Variants in VPS37D observed in about 807,000 individuals in gnomAD.
VPS37D encodes VPS37D subunit of ESCRT-I.
VPS37D carries 5 observed loss-of-function variants against 22.0 expected under a neutral mutation model. The ratio of observed to expected loss-of-function variants is 0.23; its 90% confidence interval spans 0.12 to 0.48. VPS37D has a LOEUF of 0.48. VPS37D is among the 20% of genes least tolerant of loss of function. The pLI, the probability that VPS37D is intolerant of heterozygous loss-of-function variation, is 0.99. For missense variants in VPS37D, 384 were observed against 345.8 expected, an observed-to-expected ratio of 1.11 and a Z score of -0.88; for synonymous variants, 174 against 159.3, an observed-to-expected ratio of 1.09 and a Z score of -0.69.
chr7:73,666,493 A>G (rs1797376321), upstream of VPS37D, among the ~76,000 whole-genome samples: 3 of 151,862 alleles, frequency 2.0e-5, no homozygotes, highest in Non-Finnish European at 2.9e-5. Context: ...GAGTGGTGCT[A>G]TCTCGGCTCA....
In VPS37D at chr7:73,670,582, C is replaced by A. The variant is rs565066985; in HGVS notation, c.394-432C>A. 4.6e-5 allele frequency among the ~76,000 whole-genome samples: 7 copies of A among 152,186 alleles called. No homozygotes were observed. In the South Asian group the frequency reaches 1.2e-3, roughly 27 times the overall value. On this transcript the variant is annotated intron_variant, in intron 3 of 3. Coordinates refer to ENST00000324941, the MANE Select transcript of VPS37D (RefSeq NM_001077621.2). ...CAGCACTTTGGGAGACCGAGGCGGGCGGATCGCCTGAGGTCAGGAGTTCGA... is the reference window on the plus strand; with the variant it reads ...CAGCACTTTGGGAGACCGAGGCGGGAGGATCGCCTGAGGTCAGGAGTTCGA...
Position 73,671,079 on chromosome 7 carries a change from T to A in VPS37D, c.459T>A (p.Arg153=). Residue 153 remains arginine (R), a synonymous_variant, in exon 4 of 4, where the codon CGT becomes CGA. Transcript: ENST00000324941. ...AGGCCTTCCTGCCTGCCTTCCAGCG[T>A]GGCCGCGCCCTGGCCCACCTGAGGC... The part of the protein sequence containing the change: ...SLEAFLPAFQ[R]GRALAHLRRT... 6.2e-7 allele frequency: 1 copy of A among 1,611,648 alleles called. No homozygotes were observed. The highest frequency in any genetic ancestry group is 8.5e-7 in the Non-Finnish European group (1 of 1,179,718).
intron 3 of VPS37D, among the ~76,000 whole-genome samples, chr7:73,670,308 G>C (rs1374270113): frequency 6.6e-6 from 1 of 152,134 alleles, no homozygotes; most frequent in Non-Finnish European, 1.5e-5. Flanking sequence ...ATTTTTTTCG[G>C]GCTCCCCTGT....
At chr7:73,667,129 C>T (rs1797391547), upstream of VPS37D, among the ~76,000 whole-genome samples, 1 of 151,978 alleles carries the variant, frequency 6.6e-6, no homozygotes, top group African/African-American at 2.4e-5. Context: ...CCCGCCACCA[C>T]GCCCGGCTAA....
chr7:73,669,276 G>T, intron 1 of VPS37D, 143 bp from the exon 2 acceptor site: 1 of 1,055,818 alleles, frequency 9.5e-7, no homozygotes, highest in Non-Finnish European at 1.3e-6. Flanking sequence ...CCCTTCACCT[G>T]TTGGGTTCAC....
chr7:73,667,769 GC>G (rs1267019943), upstream of VPS37D: 4 of 157,064 alleles, frequency 2.5e-5, no homozygotes, highest in Non-Finnish European at 5.5e-5. Context: ...CCTCCTCCCT[GC>G]CCCACCCCCA....
upstream of VPS37D, among the ~76,000 whole-genome samples, chr7:73,667,537 TTTG>T (rs1310532785): frequency 4.6e-5 from 7 of 152,056 alleles, no homozygotes; most frequent in Admixed American, 1.3e-4. Context: ...AAGTCAGAAA[TTTG>T]TTGTTGCCAT....
upstream of VPS37D, among the ~76,000 whole-genome samples, chr7:73,666,119 G>A (rs1469384034): frequency 6.6e-6 from 1 of 152,062 alleles, no homozygotes; most frequent in African/African-American, 2.4e-5. Flanking sequence ...CCTGAGATGG[G>A]GACAATGGCT....
At chr7:73,670,217 G>C in intron 3 of VPS37D, 115 bp downstream of exon 3, 1 of 1,491,670 alleles carries the variant, frequency 6.7e-7, no homozygotes, top group Non-Finnish European at 9.0e-7. Context: ...AGTCCACCCT[G>C]AATGCCTGGC....
chr7:73,669,376 G>T, intron 1 of VPS37D, 43 bp from the exon 2 acceptor site: 2 of 1,512,578 alleles, frequency 1.3e-6, no homozygotes, highest in Non-Finnish European at 1.8e-6. Flanking sequence ...GGTGGACAGG[G>T]CAGATCCCCT....
chr7:73,667,885 A>G lies in VPS37D; in HGVS notation c.-74A>G, dbSNP rs1204043292. 8 of 458,860 alleles carry G rather than the reference A, an allele frequency of 1.7e-5. No individual in the cohort carries two copies. The highest frequency in any genetic ancestry group is 4.4e-5 in the African/African-American group (2 of 45,856). The allele number at this position is 458,860 out of a possible 1,614,324, so 28.4% of individuals were successfully genotyped here. The stretch of plus-strand genomic sequence containing the variant: ...GGATCCTGGAGCCGGAGCGGAGCGG[A>G]GCGGAGCGGAGCCGGGGCGGAGCGG... On this transcript the variant is annotated 5_prime_UTR_variant, in exon 1 of 4. Coordinates refer to ENST00000324941, the MANE Select transcript of VPS37D (RefSeq NM_001077621.2).
In VPS37D at chr7:73,670,115, G is replaced by A. The variant is rs1554609461; in HGVS notation, c.393+13G>A. ...GCAGGAGGCAGAGGTGAGGGGAGGG[G>A]TGGCTGGGGCTGGGGGCCAGGAGGG... On this transcript the variant is annotated intron_variant, in intron 3 of 3. Coordinates refer to ENST00000324941, the MANE Select transcript of VPS37D (RefSeq NM_001077621.2). 3.2e-6 allele frequency: 5 copies of A among 1,550,328 alleles called. No homozygotes were observed. Among genetic ancestry groups the A allele is most frequent in the African/African-American group, 1.4e-5 (1 of 73,048 alleles).
chr7:73,668,103 CG>C lies in VPS37D; in HGVS notation c.138+13del, dbSNP rs1209558372. 3.3e-5 allele frequency: 36 copies of C among 1,081,998 alleles called. 1 individual carries two copies. The Admixed American group carries it at 1.0e-3, about 31-fold the overall frequency. The allele number at this position is 1,081,998 out of a possible 1,614,324, so 67.0% of individuals were successfully genotyped here. ...CGTGCGGCTCAGCAGGAAGGTAGCG[CG>C]GGGGGCTCGAGCGGGGGGCGCGGGG... On this transcript the variant is annotated splice_region_variant and intron_variant, in intron 1 of 3. Coordinates refer to ENST00000324941, the MANE Select transcript of VPS37D (RefSeq NM_001077621.2).
chr7:73,667,013 C>G (rs188025445), upstream of VPS37D, among the ~76,000 whole-genome samples: 1 of 146,520 alleles, frequency 6.8e-6, no homozygotes, highest in African/African-American at 2.5e-5. Flanking sequence ...CGCTCTGTCA[C>G]CCAGCCTGGA....
chr7:73,669,617 TG>T, intron 2 of VPS37D, 27 bp downstream of exon 2: 2 of 1,562,858 alleles, frequency 1.3e-6, no homozygotes, highest in Non-Finnish European at 8.7e-7. Context: ...GAGAACCCCC[TG>T]GGGCTGGTGG....
chr7:73,665,483 G>T (rs762576256), upstream of VPS37D, among the ~76,000 whole-genome samples: 63 of 152,212 alleles, frequency 4.1e-4, 1 homozygote, highest in Non-Finnish European at 7.4e-4. Context: ...CCTGGAGGTG[G>T]TGATATTCCA....
chr7:73,669,461 A>C lies in VPS37D; in HGVS notation c.181A>C (p.Asn61His). The part of the protein sequence containing the change: ...QLEREACLAS[N>H]YALAKENLAL... ...GGAGCGTGAGGCCTGCCTGGCCTCC[A>C]ACTACGCGCTGGCCAAGGAGAACCT... Residue 61 changes from asparagine to histidine, a missense_variant, in exon 2 of 4, where the codon AAC becomes CAC. Coordinates refer to ENST00000324941, the MANE Select transcript of VPS37D (RefSeq NM_001077621.2). The C allele has an allele frequency of 6.3e-7, 1 of 1,578,822 alleles. No individual in the cohort carries two copies. Among genetic ancestry groups the C allele is most frequent in the Non-Finnish European group, 8.6e-7 (1 of 1,163,040 alleles).
At chr7:73,670,810 G>GAA (rs11414202) in intron 3 of VPS37D, among the ~76,000 whole-genome samples, 59 of 142,582 alleles carry the variant, frequency 4.1e-4, no homozygotes, top group South Asian at 6.7e-4. Flanking sequence ...TCTGTCTCAG[G>GAA]AAAAAAAAAA....
chr7:73,666,497 C>T (rs1408221976), upstream of VPS37D, among the ~76,000 whole-genome samples: 2 of 151,854 alleles, frequency 1.3e-5, no homozygotes, highest in South Asian at 2.1e-4. Context: ...GGTGCTATCT[C>T]GGCTCACTAC....
Sources: allele counts gnomAD v4.1 joint callset (sites outside exome capture counted in the v4.1 genomes callset), GRCh38; gene constraint gnomAD v4.1.1; transcripts MANE v1.5; gene names NCBI Gene and HGNC (gene_info 2026-07-23, HGNC 2026-07-21).